IL1RAPL2: variants seen among roughly 807,000 people sequenced by gnomAD.
IL1RAPL2 encodes X-linked interleukin-1 receptor accessory protein-like 2.
Under a neutral mutation model 44.1 loss-of-function variants are expected in IL1RAPL2, and 3 were observed. The ratio of observed to expected loss-of-function variants is 0.07; its 90% confidence interval spans 0.03 to 0.18. The LOEUF (loss-of-function observed/expected upper bound fraction) is 0.18. Among genes scored for constraint, IL1RAPL2 ranks in the 10% least tolerant of loss-of-function variants. The pLI, the probability that IL1RAPL2 is intolerant of heterozygous loss-of-function variation, is 1.00. For missense variants in IL1RAPL2, 391 were observed against 496.4 expected (o/e 0.79, Z 2.02); for synonymous variants, 181 against 178.8 (o/e 1.01, Z -0.10).
intron 2 of IL1RAPL2, among the ~76,000 whole-genome samples, chrX:104,712,377 G>A (rs895765108): frequency 7.2e-5 from 8 of 110,855 alleles, no homozygotes; most frequent in African/African-American, 2.6e-4. Flanking sequence ...AATGAAAAGA[G>A]TGAAGTGAAA....
At chrX:105,183,304 CT>C (rs1309664450) in intron 2 of IL1RAPL2, among the ~76,000 whole-genome samples, 1 of 111,410 alleles carries the variant, frequency 9.0e-6, no homozygotes, top group Non-Finnish European at 1.9e-5. Flanking sequence ...AGCTTTCAGG[CT>C]TTGGAGAATA....
At position 105,617,523 on chromosome X, in the gene IL1RAPL2, T is replaced by G. The variant is rs1461675783; in HGVS notation, c.773-99844T>G. 4.5e-5 allele frequency among the ~76,000 whole-genome samples: 5 copies of G among 111,566 alleles called. No homozygotes were observed. The Admixed American group carries it at 4.8e-4, about 11-fold the overall frequency. Reference sequence around the variant, plus strand: ...GGGTCTTATTCTACTCTAAGACATTTTCCTTATTATTTTTAATATCCTCTC... The same window carrying G: ...GGGTCTTATTCTACTCTAAGACATTGTCCTTATTATTTTTAATATCCTCTC... On this transcript the variant is annotated intron_variant, in intron 6 of 10. Transcript: ENST00000372582.
intron 1 of IL1RAPL2, among the ~76,000 whole-genome samples, chrX:104,628,345 C>T (rs1206837403): frequency 9.0e-6 from 1 of 110,915 alleles, no homozygotes; most frequent in East Asian, 2.8e-4. Flanking sequence ...TCCCCCTCCC[C>T]TAACACCCAC....
chrX:104,630,134 C>A (rs1483786656), intron 1 of IL1RAPL2, among the ~76,000 whole-genome samples: 4 of 95,116 alleles, frequency 4.2e-5, no homozygotes, highest in African/African-American at 1.6e-4. Context: ...CAGGTGCATG[C>A]CACCACACCT....
At chrX:105,705,594 C>T (rs1017743818) in intron 6 of IL1RAPL2, among the ~76,000 whole-genome samples, 1 of 111,575 alleles carries the variant, frequency 9.0e-6, no homozygotes, top group Non-Finnish European at 1.9e-5. Flanking sequence ...ATTTATTTTA[C>T]AACCTTCATA....
At chrX:105,202,513 TC>T (rs1426325595) in intron 3 of IL1RAPL2, among the ~76,000 whole-genome samples, 1 of 112,001 alleles carries the variant, frequency 8.9e-6, no homozygotes, top group Non-Finnish European at 1.9e-5. Context: ...GTTGTAGCAA[TC>T]CCCTCCATAA....
intron 2 of IL1RAPL2, among the ~76,000 whole-genome samples, chrX:104,757,049 G>T (rs749595048): frequency 1.8e-5 from 2 of 110,934 alleles, no homozygotes; most frequent in East Asian, 5.7e-4. Flanking sequence ...GAGAGAGAGA[G>T]TGAAGCTCTG....
At chrX:105,379,608 G>A (rs2035414600) in intron 5 of IL1RAPL2, among the ~76,000 whole-genome samples, 1 of 111,526 alleles carries the variant, frequency 9.0e-6, no homozygotes, top group African/African-American at 3.2e-5. Flanking sequence ...TCCTAACATG[G>A]ACTAAACCAG....
chrX:105,266,466 T>C (rs1402631172), intron 4 of IL1RAPL2, among the ~76,000 whole-genome samples: 2 of 111,926 alleles, frequency 1.8e-5, no homozygotes, highest in Non-Finnish European at 3.8e-5. Context: ...ATAGCCAGAA[T>C]GGGGCAATAT....
chrX:105,310,899 G>A (rs1323103915), intron 5 of IL1RAPL2, among the ~76,000 whole-genome samples: 2 of 111,486 alleles, frequency 1.8e-5, no homozygotes, highest in African/African-American at 6.5e-5. Context: ...TACCAATGCA[G>A]AAAAAGGAAT....
At chrX:105,730,132 T>G (rs1335691477) in intron 7 of IL1RAPL2, among the ~76,000 whole-genome samples, 3 of 111,261 alleles carry the variant, frequency 2.7e-5, no homozygotes, top group Non-Finnish European at 5.7e-5. Flanking sequence ...ACATTTCACC[T>G]GTAGAGACAC....
At chrX:105,561,096 A>G (rs2036933213) in intron 6 of IL1RAPL2, among the ~76,000 whole-genome samples, 1 of 111,470 alleles carries the variant, frequency 9.0e-6, no homozygotes, top group African/African-American at 3.3e-5. Flanking sequence ...AAGAGATTCT[A>G]TTCTTTAGAA....
chrX:105,336,501 A>G (rs940068710), intron 5 of IL1RAPL2, among the ~76,000 whole-genome samples: 1 of 112,218 alleles, frequency 8.9e-6, no homozygotes, highest in Admixed American at 9.4e-5. Context: ...AAGACATTGC[A>G]TTTCCCTCGT....
intron 2 of IL1RAPL2, among the ~76,000 whole-genome samples, chrX:104,797,664 A>C (rs763064268): frequency 8.9e-6 from 1 of 111,941 alleles, no homozygotes; most frequent in African/African-American, 3.3e-5. Flanking sequence ...TAAGAGGTAG[A>C]TTCATTCTCA....
rs782086502 is a variant in IL1RAPL2 at position 105,180,632 on chromosome X, G to A, written c.83-14843G>A. The stretch of plus-strand genomic sequence containing the variant: ...TTGTCCTTCAGTCTGTTGATGTGTC[G>A]TATCATGTTTATTGATCTGCATATG... On this transcript the variant is annotated intron_variant, in intron 2 of 10. Transcript: ENST00000372582. Among the ~76,000 whole-genome samples, 128 of 112,019 alleles carry A rather than the reference G, an allele frequency of 1.1e-3. 1 individual carries two copies. Among genetic ancestry groups the A allele is most frequent in the Non-Finnish European group, 1.9e-3 (101 of 53,176 alleles).
At chrX:105,764,445 C>T (rs1027203273) in intron 10 of IL1RAPL2, among the ~76,000 whole-genome samples, 6 of 111,778 alleles carry the variant, frequency 5.4e-5, no homozygotes, top group South Asian at 3.7e-4. Context: ...ACTACATGTG[C>T]GTACAGTTTC....
At chrX:105,295,525 C>T (rs1198811872) in intron 5 of IL1RAPL2, among the ~76,000 whole-genome samples, 1 of 111,648 alleles carries the variant, frequency 9.0e-6, no homozygotes, top group Non-Finnish European at 1.9e-5. Flanking sequence ...CAATATTTTT[C>T]AAGCCATGAG....
chrX:104,628,785 C>A (rs1312792343), intron 1 of IL1RAPL2, among the ~76,000 whole-genome samples: 1 of 112,129 alleles, frequency 8.9e-6, no homozygotes, highest in Non-Finnish European at 1.9e-5. Context: ...TTCTCTGCGT[C>A]CTCACCAGGA....
chrX:105,039,858 T>G (rs915370205), intron 2 of IL1RAPL2, among the ~76,000 whole-genome samples: 2 of 111,148 alleles, frequency 1.8e-5, no homozygotes, highest in African/African-American at 6.6e-5. Flanking sequence ...TTTTCCTAAT[T>G]GAGTACCCTT....
Sources: allele counts gnomAD v4.1 joint callset (sites outside exome capture counted in the v4.1 genomes callset), GRCh38; gene constraint gnomAD v4.1.1; transcripts MANE v1.5; gene names NCBI Gene and HGNC (gene_info 2026-07-23, HGNC 2026-07-21).